The following PCCA variants were observed in gnomAD, a reference collection of about 807,000 sequenced individuals.
The protein encoded by PCCA is propionyl-CoA carboxylase subunit alpha, also known as propionyl-CoA carboxylase alpha chain, mitochondrial.
Under a neutral mutation model 101.3 loss-of-function variants are expected in PCCA, and 74 were observed. That is an observed-to-expected ratio of 0.73 (90% CI 0.61 to 0.89). The LOEUF is 0.89. PCCA is among the 40% of genes least tolerant of loss of function. The pLI, the probability that PCCA is intolerant of heterozygous loss-of-function variation, is 0.00. For missense variants in PCCA, 891 were observed against 907.0 expected, an observed-to-expected ratio of 0.98 and a Z score of 0.23; for synonymous variants, 294 against 313.6, an observed-to-expected ratio of 0.94 and a Z score of 0.66.
chr13:100,528,073 C>G (rs2088002254), intron 23 of PCCA, among the ~76,000 whole-genome samples: 1 of 152,156 alleles, frequency 6.6e-6, no homozygotes, highest in African/African-American at 2.4e-5. Context: ...AGTTAGTTAT[C>G]TGAGACTTAG....
intron 21 of PCCA, among the ~76,000 whole-genome samples, chr13:100,478,622 G>C (rs970953385): frequency 6.6e-6 from 1 of 152,208 alleles, no homozygotes; most frequent in Non-Finnish European, 1.5e-5. Context: ...GGAGGAAATT[G>C]CCTGGTCAGG....
At chr13:100,369,412 G>A (rs1274983959) in intron 19 of PCCA, among the ~76,000 whole-genome samples, 1 of 152,148 alleles carries the variant, frequency 6.6e-6, no homozygotes, top group Non-Finnish European at 1.5e-5. Flanking sequence ...ACCTGGTGTG[G>A]CTTGAGAGGG....
intron 21 of PCCA, among the ~76,000 whole-genome samples, chr13:100,499,217 T>C (rs1017188572): frequency 3.9e-5 from 6 of 152,182 alleles, no homozygotes; most frequent in African/African-American, 1.4e-4. Context: ...CCAAAAGACG[T>C]TTGAAAAATA....
At chr13:100,124,405 CTG>C (rs778891305) in intron 4 of PCCA, among the ~76,000 whole-genome samples, 23 of 152,192 alleles carry the variant, frequency 1.5e-4, no homozygotes, top group South Asian at 8.3e-4. Context: ...GAAGTATTCA[CTG>C]TGACTCACAT....
intron 21 of PCCA, among the ~76,000 whole-genome samples, chr13:100,470,456 T>G (rs2082914817): frequency 6.6e-6 from 1 of 152,162 alleles, no homozygotes. Flanking sequence ...ACATTCCATG[T>G]GCATCTTCTA....
intron 12 of PCCA, among the ~76,000 whole-genome samples, chr13:100,294,974 C>T (rs1566883566): frequency 2.6e-5 from 4 of 152,256 alleles, no homozygotes; most frequent in South Asian, 2.1e-4. Context: ...TAGAGTCTCA[C>T]TCTGTCACCC....
At position 100,416,543 on chromosome 13, in the gene PCCA, T is replaced by TGTA. The variant is rs1220384195; in HGVS notation, c.1747-9090_1747-9089insGTA. 3.7e-4 allele frequency among the ~76,000 whole-genome samples: 53 copies of TGTA among 144,872 alleles called. No individual in the cohort carries two copies. The South Asian group carries it at 6.5e-3, about 18-fold the overall frequency. On this transcript the variant is annotated intron_variant, in intron 19 of 23. Transcript: ENST00000376285. ...GTGTGTGTGTGTGTGTGTGTATGTATTTTTTTTTTTATGGAGTCTTGCTCT... is the reference window on the plus strand; with the variant it reads ...GTGTGTGTGTGTGTGTGTGTATGTATGTATTTTTTTTTTATGGAGTCTTGCTCT...
chr13:100,124,582 T>C (rs974653100), intron 4 of PCCA, among the ~76,000 whole-genome samples: 1 of 152,150 alleles, frequency 6.6e-6, no homozygotes, highest in Non-Finnish European at 1.5e-5. Flanking sequence ...CTTGATGATA[T>C]GTCCCTGCTG....
At chr13:100,467,800 A>C (rs1045383819) in intron 21 of PCCA, among the ~76,000 whole-genome samples, 1 of 152,202 alleles carries the variant, frequency 6.6e-6, no homozygotes, top group African/African-American at 2.4e-5. Context: ...GTTAGAATCC[A>C]GTTCTTCAAA....
intron 8 of PCCA, among the ~76,000 whole-genome samples, chr13:100,253,256 C>T (rs1409140603): frequency 2.0e-5 from 3 of 152,022 alleles, no homozygotes; most frequent in African/African-American, 4.8e-5. Flanking sequence ...CCCAAGTAGC[C>T]GGGATTAGAG....
At chr13:100,220,320 C>T (rs558021965) in intron 7 of PCCA, among the ~76,000 whole-genome samples, 5 of 152,030 alleles carry the variant, frequency 3.3e-5, no homozygotes, top group Middle Eastern at 3.4e-3. Flanking sequence ...AGTGCAGTGG[C>T]GCAATCTTGG....
intron 6 of PCCA, among the ~76,000 whole-genome samples, chr13:100,169,155 A>G (rs1015435564): frequency 1.3e-5 from 2 of 152,128 alleles, no homozygotes; most frequent in African/African-American, 4.8e-5. Flanking sequence ...AATTTCCCTT[A>G]ATTTGGCCAG....
intron 11 of PCCA, 100 bp downstream of exon 11, chr13:100,268,883 G>A: frequency 1.1e-6 from 1 of 877,616 alleles, no homozygotes; most frequent in Non-Finnish European, 1.9e-6. Context: ...TCAGAGACAG[G>A]GTCTCACTCT....
chr13:100,456,511 G>A lies in PCCA; in HGVS notation c.1899+7206G>A, dbSNP rs551716874. On this transcript the variant is annotated intron_variant, in intron 21 of 23. Coordinates refer to ENST00000376285, the MANE Select transcript of PCCA (RefSeq NM_000282.4). Reference sequence around the variant, plus strand: ...CCACTGCCATCAAGATGCGGAGACCGGTAGTGGCCCCGAACGGCTGGGCGC... The same window carrying A: ...CCACTGCCATCAAGATGCGGAGACCAGTAGTGGCCCCGAACGGCTGGGCGC... 7.2e-5 allele frequency among the ~76,000 whole-genome samples: 11 copies of A among 152,292 alleles called. No homozygotes were observed. In the East Asian group the frequency reaches 9.7e-4, roughly 13 times the overall value.
intron 6 of PCCA, among the ~76,000 whole-genome samples, chr13:100,176,765 GT>G (rs1358905933): frequency 6.6e-6 from 1 of 152,138 alleles, no homozygotes; most frequent in Non-Finnish European, 1.5e-5. Flanking sequence ...CTTTATATTA[GT>G]TTTTTTAATT....
In PCCA at chr13:100,186,343, A is replaced by G. The variant is rs529649509; in HGVS notation, c.469-22989A>G. Among the ~76,000 whole-genome samples the G allele has an allele frequency of 8.5e-5, 13 of 152,352 alleles. No homozygotes were observed. In the South Asian group the frequency reaches 2.5e-3, roughly 29 times the overall value. On this transcript the variant is annotated intron_variant, in intron 6 of 23. Transcript: ENST00000376285. ...TTGTCTGTGTTGTCCATAAGCACAC[A>G]TTTGAATATGGCCACGAGAAAGATT...
At chr13:100,207,633 G>T (rs1464036415) in intron 6 of PCCA, among the ~76,000 whole-genome samples, 1 of 151,962 alleles carries the variant, frequency 6.6e-6, no homozygotes, top group Non-Finnish European at 1.5e-5. Flanking sequence ...GCCCTCCTCG[G>T]CCTCCCAAAG....
chr13:100,114,239 G>A (rs1178973824), intron 4 of PCCA, among the ~76,000 whole-genome samples: 3 of 152,070 alleles, frequency 2.0e-5, no homozygotes, highest in African/African-American at 7.2e-5. Context: ...TGTATAAGGA[G>A]CTCAAACAAC....
intron 21 of PCCA, among the ~76,000 whole-genome samples, chr13:100,506,410 G>C (rs1243600078): frequency 6.6e-6 from 1 of 152,066 alleles, no homozygotes; most frequent in Non-Finnish European, 1.5e-5. Context: ...GGGGGTTTCA[G>C]TTGCTTTCTG....
Sources: allele counts gnomAD v4.1 joint callset (sites outside exome capture counted in the v4.1 genomes callset), GRCh38; gene constraint gnomAD v4.1.1; transcripts MANE v1.5; gene names NCBI Gene and HGNC (gene_info 2026-07-23, HGNC 2026-07-21).